The following MIIP variants were observed in gnomAD, a reference collection of about 807,000 sequenced individuals.
The protein encoded by MIIP is migration and invasion-inhibitory protein.
Under a neutral mutation model 44.8 loss-of-function variants are expected in MIIP, and 44 were observed. The ratio of observed to expected loss-of-function variants is 0.98; its 90% CI spans 0.77 to 1.26. The LOEUF (loss-of-function observed/expected upper bound fraction) is 1.26, where lower values mean the gene tolerates loss of function less well. MIIP is among the 50% of genes most tolerant of loss of function. The pLI is 0.00. For missense variants in MIIP, 496 were observed against 511.7 expected, an observed-to-expected ratio of 0.97 and a Z score of 0.30; for synonymous variants, 225 against 218.3, an observed-to-expected ratio of 1.03 and a Z score of -0.27.
At chr1:12,028,698 T>G in intron 4 of MIIP, 1 of 226,486 alleles carries the variant, frequency 4.4e-6, no homozygotes. Context: ...TGGTGGCTAG[T>G]TCATCTCTTG....
In MIIP at chr1:12,022,420, C is replaced by T; in HGVS notation, c.440C>T (p.Ala147Val). ...QEAQTPRSIL[A>V]QQSKLSKPRV... ...GCACAGACCCCGAGGTCCATCCTGG[C>T]TCAACAGAGCAAGCTGTCCAAGGTA... The change falls in exon 3 of 10, where the codon GCT becomes GTT. Residue 147 changes from alanine (A) to valine (V), a missense_variant. Physicochemically the swap from Ala to Val is moderately conservative, Grantham distance 64 (BLOSUM62 0). Transcript: ENST00000235332. 6.3e-7 allele frequency: 1 copy of T among 1,580,794 alleles called. No homozygotes were observed. Among genetic ancestry groups the T allele is most frequent in the Non-Finnish European group, 8.6e-7 (1 of 1,164,512 alleles).
At chr1:12,024,575 G>A (rs1374170375) in intron 4 of MIIP, among the ~76,000 whole-genome samples, 6 of 151,874 alleles carry the variant, frequency 4.0e-5, no homozygotes, top group Admixed American at 1.3e-4. Flanking sequence ...CACCACACCC[G>A]GCTAATTTTT....
intron 4 of MIIP, 141 bp downstream of exon 4, chr1:12,023,058 T>TA: frequency 3.5e-5 from 16 of 452,816 alleles, no homozygotes; most frequent in East Asian, 7.7e-5. Flanking sequence ...GGGAGCACCC[T>TA]CTTTTTTTTT....
intron 5 of MIIP, 29 bp from the exon 6 acceptor site, chr1:12,029,194 C>T (rs764337911): frequency 1.6e-5 from 26 of 1,613,330 alleles, no homozygotes; most frequent in African/African-American, 9.3e-5. Flanking sequence ...CTCCATCCCC[C>T]GGCCTGCTCA....
chr1:12,031,872 A>T lies in MIIP; in HGVS notation c.*64A>T. On this transcript the variant is annotated 3_prime_UTR_variant, in exon 10 of 10. Transcript: ENST00000235332. ...CCAGCCTCTCCCCTCTGGCAGGCGC[A>T]CCCAGGAGATGGAATCCCCTGCCCG... 1.3e-6 allele frequency: 2 copies of T among 1,511,098 alleles called. No individual in the cohort carries two copies. Among genetic ancestry groups the T allele is most frequent in the Non-Finnish European group, 1.8e-6 (2 of 1,096,194 alleles). The allele number at this position is 1,511,098 out of a possible 1,614,324, so 93.6% of individuals were successfully genotyped here.
chr1:12,025,559 C>T (rs1640089110), intron 4 of MIIP, among the ~76,000 whole-genome samples: 1 of 152,144 alleles, frequency 6.6e-6, no homozygotes, highest in African/African-American at 2.4e-5. Flanking sequence ...GGAATCAGAT[C>T]ATGTCACTCC....
At position 12,022,933 on chromosome 1, in the gene MIIP, G is replaced by A. The variant is rs756662582; in HGVS notation, c.547+16G>A. On this transcript the variant is annotated intron_variant, in intron 4 of 9. Coordinates refer to ENST00000235332, the MANE Select transcript of MIIP (RefSeq NM_021933.4). ...TGGATTGCAGGTAAGGCGTGCTGTT[G>A]CCCTGCACACACTTTGCCTGGGAGT... 6.3e-7 allele frequency: 1 copy of A among 1,594,924 alleles called. No homozygotes were observed. Among genetic ancestry groups the A allele is most frequent in the African/African-American group, 1.3e-5 (1 of 74,468 alleles).
At chr1:12,025,312 G>A (rs973756295) in intron 4 of MIIP, among the ~76,000 whole-genome samples, 2 of 151,528 alleles carry the variant, frequency 1.3e-5, no homozygotes, top group South Asian at 2.1e-4. Flanking sequence ...CTCCTGCCTC[G>A]GCCTCCCAAA....
rs140351470 is a variant in MIIP, at chr1:12,031,275, C to T, written c.952C>T (p.Leu318=). The change falls in exon 9 of 10, where the codon CTG becomes TTG. Residue 318 remains leucine, a synonymous_variant. Transcript: ENST00000235332. The part of the protein sequence containing the change: ...DTLALPRHCL[L]GWDIFPPKSE... ...TCCTTGCCTTCCACAGCACTGCCTG[C>T]TGGGCTGGGACATTTTTCCTCCGAA... 85 of 1,613,640 alleles carry T rather than the reference C, an allele frequency of 5.3e-5. No homozygotes were observed. The African/African-American group carries it at 9.1e-4, about 17-fold the overall frequency.
At chr1:12,029,941 C>T (rs753111504) in intron 7 of MIIP, 47 bp downstream of exon 7, 1 of 1,609,794 alleles carries the variant, frequency 6.2e-7, no homozygotes, top group Non-Finnish European at 8.5e-7. Flanking sequence ...GAGCCTGAAC[C>T]ACTGGTTTTA....
chr1:12,027,486 C>G (rs1230073712), intron 4 of MIIP, among the ~76,000 whole-genome samples: 1 of 152,142 alleles, frequency 6.6e-6, no homozygotes, highest in Admixed American at 6.5e-5. Context: ...CCCTGGACTT[C>G]CAGCCACTTG....
At position 12,029,577 on chromosome 1, in the gene MIIP, T is replaced by TGTCCC. The variant is rs1036639623; in HGVS notation, c.716-187_716-183dup. 1.3e-4 allele frequency: 104 copies of TGTCCC among 808,754 alleles called. No individual in the cohort carries two copies. In the Admixed American group the frequency reaches 3.0e-3, roughly 23 times the overall value. 50.1% of individuals were successfully genotyped at this position (808,754 alleles called of 1,614,324 possible). A position where few individuals can be genotyped will look rare whatever the true frequency, so the allele number is the denominator to read the frequency against. ...CCAGCTCCTGAGGGCCCCAGGAGGA[T>TGTCCC]GTCCCTCCCCACCCCTTAGGGCGTG... On this transcript the variant is annotated intron_variant, in intron 6 of 9. Coordinates refer to ENST00000235332, the MANE Select transcript of MIIP (RefSeq NM_021933.4).
At chr1:12,030,004 G>A (rs1229253061) in intron 7 of MIIP, 24 bp from the exon 8 acceptor site, 1 of 1,611,866 alleles carries the variant, frequency 6.2e-7, no homozygotes, top group African/African-American at 1.3e-5. Flanking sequence ...CTCCTCAGGG[G>A]TCCCCCACTG....
intron 4 of MIIP, chr1:12,028,629 CT>C: frequency 5.5e-6 from 1 of 182,010 alleles, no homozygotes; most frequent in South Asian, 1.2e-4. Context: ...TCTGACGCTG[CT>C]CTCTTGCTTT....
rs749849504 is a variant in MIIP at position 12,031,719 on chromosome 1, C to T, written c.1081-3C>T. 1 of 1,614,144 alleles carries T rather than the reference C, an allele frequency of 6.2e-7. No homozygotes were observed. Among genetic ancestry groups the T allele is most frequent in the Non-Finnish European group, 8.5e-7 (1 of 1,180,008 alleles). On this transcript the variant is annotated splice_polypyrimidine_tract_variant and splice_region_variant and intron_variant, in intron 9 of 9. Coordinates refer to ENST00000235332, the MANE Select transcript of MIIP (RefSeq NM_021933.4). ...CCCTGAGACTTCCCTATTCCCCATC[C>T]AGGCCTCACCAATGCAGATGCTGCC...
chr1:12,027,140 CTGGGAT>C (rs1199269079), intron 4 of MIIP, among the ~76,000 whole-genome samples: 3 of 151,872 alleles, frequency 2.0e-5, no homozygotes, highest in Non-Finnish European at 4.4e-5. Flanking sequence ...ACCTAAGTAG[CTGGGAT>C]TACAGGCATG....
chr1:12,027,797 G>C (rs1056797986), intron 4 of MIIP, among the ~76,000 whole-genome samples: 2 of 152,142 alleles, frequency 1.3e-5, no homozygotes, highest in South Asian at 4.1e-4. Flanking sequence ...TTCCACTGCT[G>C]TGCTCCTCCT....
intron 4 of MIIP, 117 bp from the exon 5 acceptor site, chr1:12,028,916 G>T (rs1475631857): frequency 7.8e-6 from 6 of 773,966 alleles, no homozygotes; most frequent in Non-Finnish European, 1.3e-5. Context: ...GCACAGTAGG[G>T]ATGAAGCAGG....
intron 4 of MIIP, among the ~76,000 whole-genome samples, chr1:12,024,375 G>A (rs2100899122): frequency 6.6e-6 from 1 of 152,210 alleles, no homozygotes; most frequent in South Asian, 2.1e-4. Context: ...CTTTGCATGT[G>A]TATGTGTGTT....
Sources: gnomAD v4.1 joint callset for allele counts (sites outside exome capture counted in the v4.1 genomes callset) on GRCh38, gnomAD v4.1.1 for gene constraint, MANE v1.5 for transcripts, NCBI Gene and HGNC (gene_info 2026-07-23, HGNC 2026-07-21) for gene names.